Variants in SH3PXD2A observed in about 807,000 individuals in gnomAD.
The protein encoded by SH3PXD2A is SH3 and PX domains 2A.
A neutral mutation model predicts 115.2 loss-of-function variants in SH3PXD2A; 32 were observed. The observed-to-expected ratio is 0.28, with a 90% CI of 0.21 to 0.37. The LOEUF (loss-of-function observed/expected upper bound fraction) is 0.37, where lower values mean the gene tolerates loss of function less well. Among genes scored for constraint, SH3PXD2A ranks in the 10% least tolerant of loss-of-function variants. SH3PXD2A has a pLI of 1.00. For synonymous variants in SH3PXD2A, 610 were observed against 629.1 expected (o/e 0.97, Z 0.45); for missense variants, 1,328 against 1,498.7 (o/e 0.89, Z 1.88).
chr10:103,720,575 A>C (rs2134168010), intron 5 of SH3PXD2A, among the ~76,000 whole-genome samples: 1 of 152,370 alleles, frequency 6.6e-6, no homozygotes, highest in South Asian at 2.1e-4. Flanking sequence ...ACTTGAAAGA[A>C]GCCAGGGGTT....
Position 103,783,973 on chromosome 10 carries a change from G to C in SH3PXD2A, c.154-16804C>G, listed in dbSNP as rs139539847. 4.7e-3 allele frequency among the ~76,000 whole-genome samples: 723 copies of C among 152,314 alleles called. 3 individuals are homozygous for C. The highest frequency in any genetic ancestry group is 0.014 in the Middle Eastern group (4 of 292). ...GGGGGAAAAACTGCCTCCTGCCAGGGACCTGGGAATGCAACAGGAAAAGTC... is the reference window on the plus strand; with the variant it reads ...GGGGGAAAAACTGCCTCCTGCCAGGCACCTGGGAATGCAACAGGAAAAGTC... On this transcript the variant is annotated intron_variant, in intron 2 of 14. Coordinates refer to ENST00000369774, the MANE Select transcript of SH3PXD2A (RefSeq NM_001394015.1).
intron 2 of SH3PXD2A, among the ~76,000 whole-genome samples, chr10:103,770,732 C>G (rs872998): frequency 0.56 from 85,540 of 151,810 alleles, 24,622 homozygotes; most frequent in African/African-American, 0.69. Flanking sequence ...GACAGGGGGA[C>G]CAGCTCCGGG....
At chr10:103,625,069 C>T (rs3824780) in intron 9 of SH3PXD2A, among the ~76,000 whole-genome samples, 45,529 of 152,126 alleles carry the variant, frequency 0.3, 7,737 homozygotes, top group South Asian at 0.53. Flanking sequence ...CGCCTCTGAA[C>T]GCAGAATCTG....
At chr10:103,715,267 C>T (rs999824279) in intron 5 of SH3PXD2A, among the ~76,000 whole-genome samples, 3 of 152,236 alleles carry the variant, frequency 2.0e-5, no homozygotes, top group African/African-American at 7.2e-5. Context: ...CCACGGGGGC[C>T]TTGCACAGAT....
chr10:103,615,814 A>AG (rs1275624896), intron 11 of SH3PXD2A, among the ~76,000 whole-genome samples: 1 of 152,132 alleles, frequency 6.6e-6, no homozygotes, highest in East Asian at 1.9e-4. Context: ...CTAGGCCACC[A>AG]GCCTGCCAGA....
chr10:103,706,173 G>A (rs2037978415), intron 5 of SH3PXD2A, among the ~76,000 whole-genome samples: 1 of 152,178 alleles, frequency 6.6e-6, no homozygotes, highest in Non-Finnish European at 1.5e-5. Context: ...ATGACCACAT[G>A]CTCAAGAGAT....
At chr10:103,722,192 T>C (rs886558807) in intron 5 of SH3PXD2A, among the ~76,000 whole-genome samples, 1 of 150,656 alleles carries the variant, frequency 6.6e-6, no homozygotes, top group Non-Finnish European at 1.5e-5. Context: ...TAATCCCAGC[T>C]ACCAGGGAGG....
chr10:103,677,498 G>A (rs1477540446), intron 6 of SH3PXD2A, among the ~76,000 whole-genome samples: 2 of 152,152 alleles, frequency 1.3e-5, no homozygotes, highest in African/African-American at 4.8e-5. Flanking sequence ...GCAAGACAGG[G>A]GTGGGGATGG....
At chr10:103,734,926 T>A (rs989212554) in intron 4 of SH3PXD2A, among the ~76,000 whole-genome samples, 1 of 152,242 alleles carries the variant, frequency 6.6e-6, no homozygotes. Context: ...TCCATCCTCA[T>A]GACCACCGTG....
chr10:103,829,533 T>C (rs1237751560), intron 1 of SH3PXD2A, among the ~76,000 whole-genome samples: 1 of 152,212 alleles, frequency 6.6e-6, no homozygotes, highest in Non-Finnish European at 1.5e-5. Context: ...TAATCCTGTG[T>C]CAACCACCCA....
In SH3PXD2A at chr10:103,855,424, CAGGGACGGGGG is replaced by C. The variant is rs1209203643; in HGVS notation, c.-169_-159del. 7.4e-6 allele frequency: 3 copies of C among 403,478 alleles called. No homozygotes were observed. The highest frequency in any genetic ancestry group is 9.8e-5 in the East Asian group (2 of 20,496). 25.0% of individuals were successfully genotyped at this position (403,478 alleles called of 1,614,324 possible). ...ACTCCCGGCGCCCACAGGTCCGGCC[CAGGGACGGGGG>C]AGGGTCCCGGAGGGCGCGCGGGCTC... On this transcript the variant is annotated 5_prime_UTR_variant, in exon 1 of 15. Coordinates refer to ENST00000369774, the MANE Select transcript of SH3PXD2A (RefSeq NM_001394015.1).
At chr10:103,837,130 T>C (rs1396436424) in intron 1 of SH3PXD2A, among the ~76,000 whole-genome samples, 1 of 152,228 alleles carries the variant, frequency 6.6e-6, no homozygotes, top group East Asian at 1.9e-4. Flanking sequence ...CTAGAAGCTG[T>C]TGTACTTATC....
intron 6 of SH3PXD2A, among the ~76,000 whole-genome samples, chr10:103,669,554 T>C (rs1361420357): frequency 4.6e-5 from 7 of 152,270 alleles, no homozygotes; most frequent in Non-Finnish European, 8.8e-5. Flanking sequence ...GCAGTCGAAC[T>C]ACAGTGACTC....
intron 3 of SH3PXD2A, among the ~76,000 whole-genome samples, chr10:103,738,266 T>A (rs895707788): frequency 6.6e-5 from 10 of 152,386 alleles, no homozygotes; most frequent in Non-Finnish European, 1.3e-4. Context: ...TGGGGGAAGA[T>A]GTCACAGATT....
At chr10:103,641,927 T>C (rs897150519) in intron 8 of SH3PXD2A, among the ~76,000 whole-genome samples, 2 of 152,296 alleles carry the variant, frequency 1.3e-5, no homozygotes, top group Middle Eastern at 3.4e-3. Flanking sequence ...ACACACAACC[T>C]TTGCTATATC....
intron 1 of SH3PXD2A, among the ~76,000 whole-genome samples, chr10:103,808,248 C>CT (rs1322648198): frequency 1.4e-5 from 2 of 148,022 alleles, no homozygotes; most frequent in African/African-American, 5.2e-5. Flanking sequence ...AAAGACCCCT[C>CT]TTTTTTTTTC....
chr10:103,697,764 C>T (rs1356241590), intron 5 of SH3PXD2A, among the ~76,000 whole-genome samples: 1 of 152,140 alleles, frequency 6.6e-6, no homozygotes, highest in Non-Finnish European at 1.5e-5. Flanking sequence ...GTGCTCCCTC[C>T]CCGGATGCTC....
In SH3PXD2A at chr10:103,676,716, A is replaced by C. The variant is rs577174426; in HGVS notation, c.428-8064T>G. ...TCTCTGATCCCAGCAGCTGCTGCCC[A>C]ACCCATGGCAGCCCCTTGGGTTGCG... is the stretch of plus-strand genomic sequence containing the variant. On this transcript the variant is annotated intron_variant, in intron 6 of 14. Transcript: ENST00000369774. Among the ~76,000 whole-genome samples, 3 of 152,212 alleles carry C rather than the reference A, an allele frequency of 2.0e-5. No individual in the cohort carries two copies. The East Asian group carries it at 5.8e-4, about 29-fold the overall frequency.
At chr10:103,812,014 C>G (rs564095240) in intron 1 of SH3PXD2A, among the ~76,000 whole-genome samples, 1 of 152,348 alleles carries the variant, frequency 6.6e-6, no homozygotes, top group Admixed American at 6.5e-5. Flanking sequence ...GAATTTTAGT[C>G]TCTTCCCCTA....
Sources: allele counts gnomAD v4.1 joint callset (sites outside exome capture counted in the v4.1 genomes callset), GRCh38; gene constraint gnomAD v4.1.1; transcripts MANE v1.5; gene names NCBI Gene and HGNC (gene_info 2026-07-23, HGNC 2026-07-21).